Variants in BCAR1 observed in about 807,000 individuals in gnomAD.
The protein encoded by BCAR1 is BCAR1 scaffold protein, Cas family member.
BCAR1 carries 30 observed loss-of-function variants against 67.6 expected under a neutral mutation model. That is an observed-to-expected ratio of 0.44 (90% CI 0.33 to 0.60). The LOEUF is 0.60. Ranked by LOEUF, BCAR1 falls within the 20% of genes least tolerant of loss-of-function variation. The pLI, the probability that BCAR1 is intolerant of heterozygous loss-of-function variation, is 0.02. For missense variants in BCAR1, 1,313 were observed against 1,222.3 expected (o/e 1.07, Z -1.11); for synonymous variants, 626 against 556.7 (o/e 1.12, Z -1.75).
chr16:75,248,110 C>G, intron 1 of BCAR1: 1 of 1,598,096 alleles, frequency 6.3e-7, no homozygotes, highest in Non-Finnish European at 8.5e-7. Flanking sequence ...AGCCCAGGGT[C>G]ACTGAGTCCA....
chr16:75,265,907 G>T (rs1023546120), intron 1 of BCAR1: 3 of 1,118,950 alleles, frequency 2.7e-6, no homozygotes, highest in African/African-American at 3.3e-5. Context: ...CGCCCGCGCC[G>T]CTCAGAGGCC....
At position 75,243,070 on chromosome 16, in the gene BCAR1, G is replaced by A; in HGVS notation, c.33C>T (p.Leu11=). 1 of 1,599,896 alleles carries A rather than the reference G, an allele frequency of 6.3e-7. No homozygotes were observed. The highest frequency in any genetic ancestry group is 8.5e-7 in the Non-Finnish European group (1 of 1,170,272). The stretch of plus-strand genomic sequence containing the variant: ...CCGGGGACTCGGCCACATTGTCATA[G>A]AGCGCTTTGGCCAGCACGTTCTGGG... The part of the protein sequence containing the change: MNHLNVLAKA[L]YDNVAESPDE... Residue 11 remains leucine (L), a synonymous_variant, in exon 2 of 7, where the codon CTC becomes CTT. Coordinates refer to ENST00000162330, the MANE Select transcript of BCAR1 (RefSeq NM_014567.5).
chr16:75,259,098 A>C (rs1036478363), intron 1 of BCAR1, among the ~76,000 whole-genome samples: 1 of 152,182 alleles, frequency 6.6e-6, no homozygotes, highest in Non-Finnish European at 1.5e-5. Flanking sequence ...AGCCTAAGAC[A>C]CTTAACCTCC....
chr16:75,240,250 C>T (rs1445410742), intron 2 of BCAR1, among the ~76,000 whole-genome samples: 1 of 152,214 alleles, frequency 6.6e-6, no homozygotes, highest in African/African-American at 2.4e-5. Flanking sequence ...GCCCAGCCAA[C>T]CACTACCCTG....
chr16:75,250,478 G>A (rs924743385), intron 1 of BCAR1, among the ~76,000 whole-genome samples: 1 of 152,224 alleles, frequency 6.6e-6, no homozygotes, highest in Admixed American at 6.5e-5. Flanking sequence ...CTGAGAAGGT[G>A]ACCAAAGCTG....
intron 1 of BCAR1, chr16:75,263,562 A>T (rs1362511524): frequency 1.0e-6 from 1 of 985,346 alleles, no homozygotes; most frequent in African/African-American, 1.7e-5. Flanking sequence ...AGGTGACACC[A>T]GCTGATCCCC....
At position 75,235,621 on chromosome 16, in the gene BCAR1, G is replaced by A. The variant is rs1293208393; in HGVS notation, c.1278C>T (p.Arg426=). 2 of 1,602,516 alleles carry A rather than the reference G, an allele frequency of 1.2e-6. No individual in the cohort carries two copies. Among genetic ancestry groups the A allele is most frequent in the South Asian group, 1.1e-5 (1 of 89,974 alleles). Residue 426 remains arginine (R), a synonymous_variant, in exon 5 of 7, where the codon CGC becomes CGT. Transcript: ENST00000162330. ...TGCTGCCGGTGCTGGAGGCCGACAG[G>A]CGCTTGCCCTCTGCCGGGGCTTCAC... ...AEREAPAEGK[R]LSASSTGSTR...
chr16:75,251,690 G>A (rs1278435758), upstream of BCAR1: 8 of 992,608 alleles, frequency 8.1e-6, no homozygotes, highest in South Asian at 4.6e-5. Flanking sequence ...CCGGCCGCGC[G>A]CGCCCATTGG....
At chr16:75,245,993 T>TTTTTTGG (rs2077510862) in intron 1 of BCAR1, 1 of 123,306 alleles carries the variant, frequency 8.1e-6, no homozygotes, top group African/African-American at 3.5e-5. Flanking sequence ...TTTTTTTTTT[T>TTTTTTGG]GAGACTGGGT....
In BCAR1 at chr16:75,234,960, C is replaced by T. The variant is rs771523501; in HGVS notation, c.1939G>A (p.Asp647Asn). The T allele has an allele frequency of 1.3e-6, 2 of 1,596,952 alleles. No individual in the cohort carries two copies. Among genetic ancestry groups the T allele is most frequent in the African/African-American group, 2.7e-5 (2 of 74,720 alleles). ...TTCTCGTACTGCCCATCTGGCGAGT[C>T]CTGGGAGGTGAACTTAGGGGGTGAG... is the stretch of plus-strand genomic sequence containing the variant. ...LPSPPKFTSQ[D>N]SPDGQYENSE... The change falls in exon 5 of 7, where the codon GAC becomes AAC. Residue 647 changes from aspartate (D) to asparagine (N), a missense_variant. By Grantham distance (23) the Asp-to-Asn change is conservative. Transcript: ENST00000162330.
chr16:75,237,335 GCAC>G lies in BCAR1; in HGVS notation c.640_642del (p.Val214del), dbSNP rs770203294. 15 of 1,463,252 alleles carry G rather than the reference GCAC, an allele frequency of 1.0e-5. No homozygotes were observed. The highest frequency in any genetic ancestry group is 1.5e-5 in the African/African-American group (1 of 68,380). 90.6% of individuals were successfully genotyped at this position (1,463,252 alleles called of 1,614,324 possible). A position where few individuals can be genotyped will look rare whatever the true frequency, so the allele number is the denominator to read the frequency against. ...ACATAGCCCTGCCCCACGCGGGTGG[GCAC>G]CACCACCTGGGGGCAGAGAGCCGAC... On this transcript the variant is annotated inframe_deletion, in exon 3 of 7. Coordinates refer to ENST00000162330, the MANE Select transcript of BCAR1 (RefSeq NM_014567.5).
intron 1 of BCAR1, among the ~76,000 whole-genome samples, chr16:75,260,747 G>GA (rs2077890380): frequency 1.2e-5 from 1 of 86,006 alleles, no homozygotes; most frequent in African/African-American, 3.6e-5. Context: ...ACAAAGCAAA[G>GA]AAAAAATACA....
intron 1 of BCAR1, chr16:75,266,891 T>G: frequency 4.6e-6 from 4 of 861,230 alleles, no homozygotes; most frequent in Non-Finnish European, 6.2e-6. Context: ...CAGCCCGGGC[T>G]CATGGCGGGG....
At chr16:75,232,126 C>T (rs1380137347) in intron 6 of BCAR1, among the ~76,000 whole-genome samples, 1 of 149,896 alleles carries the variant, frequency 6.7e-6, no homozygotes, top group Non-Finnish European at 1.5e-5. Flanking sequence ...TCAGGTGATC[C>T]GCCCGCCTCG....
At chr16:75,262,427 T>C (rs1169232887) in intron 1 of BCAR1, among the ~76,000 whole-genome samples, 3 of 152,150 alleles carry the variant, frequency 2.0e-5, no homozygotes, top group Admixed American at 1.3e-4. Flanking sequence ...CTATGGATGA[T>C]GGCGCAGAGC....
At chr16:75,237,984 C>T in intron 2 of BCAR1, 1 of 1,259,294 alleles carries the variant, frequency 7.9e-7, no homozygotes, top group Non-Finnish European at 1.0e-6. Flanking sequence ...CGCGCCTGCC[C>T]CGGGGGAGCT....
intron 3 of BCAR1, 73 bp downstream of exon 3, chr16:75,237,110 C>T: frequency 1.3e-6 from 2 of 1,505,808 alleles, no homozygotes; most frequent in Non-Finnish European, 1.8e-6. Context: ...GAAGATGCAG[C>T]TCTCGGCCCA....
At chr16:75,266,798 G>C (rs745377743) in intron 1 of BCAR1, 1 of 1,436,462 alleles carries the variant, frequency 7.0e-7, no homozygotes, top group South Asian at 1.5e-5. Flanking sequence ...AGTGGGGCTG[G>C]GGTCCAGAGC....
At chr16:75,261,630 ACT>A (rs2077909934) in intron 1 of BCAR1, among the ~76,000 whole-genome samples, 1 of 152,144 alleles carries the variant, frequency 6.6e-6, no homozygotes, top group African/African-American at 2.4e-5. Context: ...AATGCAGGTC[ACT>A]CTCTGGTTGG....
Sources: gnomAD v4.1 joint callset for allele counts (sites outside exome capture counted in the v4.1 genomes callset) on GRCh38, gnomAD v4.1.1 for gene constraint, MANE v1.5 for transcripts, NCBI Gene and HGNC (gene_info 2026-07-23, HGNC 2026-07-21) for gene names.